Variants in ECE1 observed in about 807,000 individuals in gnomAD.
ECE1 encodes the protein endothelin-converting enzyme 1.
ECE1 carries 35 observed loss-of-function variants against 98.6 expected under a neutral mutation model. The observed-to-expected ratio is 0.35, with a 90% CI of 0.27 to 0.47. ECE1 has a LOEUF of 0.47. ECE1 is among the 20% of genes least tolerant of loss of function. The pLI, the probability that ECE1 is intolerant of heterozygous loss-of-function variation, is 1.00. For missense variants in ECE1, 814 were observed against 1,025.3 expected, an observed-to-expected ratio of 0.79 and a Z score of 2.81; for synonymous variants, 394 against 407.1, an observed-to-expected ratio of 0.97 and a Z score of 0.39.
At chr1:21,286,634 A>G (rs1270728978) in intron 2 of ECE1, among the ~76,000 whole-genome samples, 1 of 152,166 alleles carries the variant, frequency 6.6e-6, no homozygotes, top group Non-Finnish European at 1.5e-5. Flanking sequence ...AAAATATGGG[A>G]TAAAGAAAAA....
intron 8 of ECE1, among the ~76,000 whole-genome samples, chr1:21,252,438 G>A (rs995254703): frequency 6.6e-6 from 1 of 152,190 alleles, no homozygotes; most frequent in African/African-American, 2.4e-5. Context: ...GAGTACTGTG[G>A]GTCACAAACC....
chr1:21,260,396 G>GAAC lies in ECE1; in HGVS notation c.494-7_494-5dup. ...CTCACGCTGGCCGTGGAGTTTTCTG[G>GAAC]AACAACAGACAGTGGAGTTTGCAAT... On this transcript the variant is annotated splice_region_variant and splice_polypyrimidine_tract_variant and intron_variant, in intron 4 of 18. Coordinates refer to ENST00000374893, the MANE Select transcript of ECE1 (RefSeq NM_001397.3). This position sits in a 1 kb window ranked among gnomAD's most constrained non-coding sequence, Gnocchi z 4.3. 6.2e-7 allele frequency: 1 copy of GAAC among 1,614,194 alleles called. No individual in the cohort carries two copies. The highest frequency in any genetic ancestry group is 8.5e-7 in the Non-Finnish European group (1 of 1,180,046).
At chr1:21,273,448 G>C (rs1294429210) in intron 3 of ECE1, among the ~76,000 whole-genome samples, 1 of 151,986 alleles carries the variant, frequency 6.6e-6, no homozygotes, top group South Asian at 2.1e-4. Flanking sequence ...AATTCAGTTG[G>C]GGATATACAC....
intron 3 of ECE1, among the ~76,000 whole-genome samples, chr1:21,275,182 C>G (rs1387766704): frequency 6.6e-6 from 1 of 152,204 alleles, no homozygotes; most frequent in Non-Finnish European, 1.5e-5. Context: ...GCATCAGAAT[C>G]TGTGTGTATG....
intron 4 of ECE1, among the ~76,000 whole-genome samples, chr1:21,262,633 A>G (rs543830865): frequency 6.6e-6 from 1 of 152,330 alleles, no homozygotes; most frequent in South Asian, 2.1e-4. Context: ...TAAGAGGCCT[A>G]AAGAACAGCT....
At chr1:21,302,497 T>C (rs1638507265) in intron 1 of ECE1, among the ~76,000 whole-genome samples, 1 of 152,204 alleles carries the variant, frequency 6.6e-6, no homozygotes, top group Non-Finnish European at 1.5e-5. Context: ...AAATACTTAT[T>C]TGGCACTTAC....
Position 21,260,530 on chromosome 1 carries a change from G to A in ECE1, c.494-138C>T. On this transcript the variant is annotated intron_variant, in intron 4 of 18. Transcript: ENST00000374893. This position sits in a 1 kb window ranked among gnomAD's most constrained non-coding sequence, Gnocchi z 4.3. ...CATCTGCCTGTCGGAGTGGCAGTGAGGAATGCCGTCACCGTGAGTATGTGA... is the reference window on the plus strand; with the variant it reads ...CATCTGCCTGTCGGAGTGGCAGTGAAGAATGCCGTCACCGTGAGTATGTGA... The A allele has an allele frequency of 3.5e-6, 4 of 1,156,862 alleles. No individual in the cohort carries two copies. The highest frequency in any genetic ancestry group is 3.8e-6 in the Non-Finnish European group (3 of 780,272). 71.7% of individuals were successfully genotyped at this position (1,156,862 alleles called of 1,614,324 possible). A position where few individuals can be genotyped will look rare whatever the true frequency, so the allele number is the denominator to read the frequency against.
chr1:21,235,993 G>A lies in ECE1; in HGVS notation c.1489-66C>T. 4.7e-6 allele frequency: 7 copies of A among 1,482,140 alleles called. No individual in the cohort carries two copies. Among genetic ancestry groups the A allele is most frequent in the Middle Eastern group, 1.7e-4 (1 of 5,798 alleles). 91.8% of individuals were successfully genotyped at this position (1,482,140 alleles called of 1,614,324 possible). ...CGACCAGGCCAGCCTGAGCAACTTG[G>A]GTGCTGGGCTCATAGTCTGGGCCAA... is the stretch of plus-strand genomic sequence containing the variant. On this transcript the variant is annotated intron_variant, in intron 12 of 18. Transcript: ENST00000374893. The surrounding 1 kb of genome is among the most constrained non-coding windows in gnomAD (Gnocchi z 4.2).
At chr1:21,310,660 C>T (rs938080329) in intron 1 of ECE1, among the ~76,000 whole-genome samples, 2 of 152,060 alleles carry the variant, frequency 1.3e-5, no homozygotes, top group African/African-American at 2.4e-5. Context: ...AGACCCCACC[C>T]GAGCTTCCAG....
chr1:21,316,534 A>G (rs1169369116), intron 1 of ECE1, among the ~76,000 whole-genome samples: 2 of 152,054 alleles, frequency 1.3e-5, no homozygotes, highest in African/African-American at 2.4e-5. Flanking sequence ...TCGGCCTCCT[A>G]AAGTGCTGGG....
At chr1:21,315,053 G>A (rs1569739031) in intron 1 of ECE1, among the ~76,000 whole-genome samples, 2 of 152,276 alleles carry the variant, frequency 1.3e-5, no homozygotes, top group African/African-American at 4.8e-5. Context: ...CCCTTGTACT[G>A]TAATTAATAA....
At chr1:21,312,390 G>T (rs990973697) in intron 1 of ECE1, among the ~76,000 whole-genome samples, 1 of 151,682 alleles carries the variant, frequency 6.6e-6, no homozygotes, top group African/African-American at 2.4e-5. Flanking sequence ...AGTGAGCTGT[G>T]ATTGCATCCC....
chr1:21,305,431 T>C (rs1395315659), intron 1 of ECE1, among the ~76,000 whole-genome samples: 4 of 152,196 alleles, frequency 2.6e-5, no homozygotes, highest in Non-Finnish European at 5.9e-5. Flanking sequence ...CCGACAACTG[T>C]AAATGTTCCA....
At chr1:21,249,611 G>A (rs9426749) in intron 8 of ECE1, among the ~76,000 whole-genome samples, 4,712 of 152,160 alleles carry the variant, frequency 0.031, 251 homozygotes, top group African/African-American at 0.11. Context: ...GAGCCTGGGA[G>A]GTCGAGGCTG....
chr1:21,275,675 A>G (rs2098245690), intron 3 of ECE1, among the ~76,000 whole-genome samples: 1 of 152,220 alleles, frequency 6.6e-6, no homozygotes, highest in Non-Finnish European at 1.5e-5. Flanking sequence ...CTAGGGACCT[A>G]CGAGGTGCTT....
At chr1:21,297,949 T>C (rs987460299) in intron 1 of ECE1, 1 of 151,994 alleles carries the variant, frequency 6.6e-6, no homozygotes, top group African/African-American at 2.4e-5. Context: ...AGTGATGCTC[T>C]TGCCTCAGCT....
chr1:21,334,872 G>C (rs1248669956), intron 1 of ECE1, among the ~76,000 whole-genome samples: 1 of 152,036 alleles, frequency 6.6e-6, no homozygotes, highest in Non-Finnish European at 1.5e-5. Flanking sequence ...CCTGAGGCCC[G>C]CGCTCCTGCC....
intron 1 of ECE1, among the ~76,000 whole-genome samples, chr1:21,306,333 G>GTT (rs763952464): frequency 1.6e-4 from 22 of 140,730 alleles, no homozygotes; most frequent in African/African-American, 4.2e-4. Context: ...GTGTTTTTTT[G>GTT]TTTTTTTTTT....
intron 5 of ECE1, among the ~76,000 whole-genome samples, chr1:21,259,209 GC>G (rs1477283136): frequency 6.6e-6 from 1 of 152,136 alleles, no homozygotes; most frequent in African/African-American, 2.4e-5. Context: ...GATAAAAAAG[GC>G]TCCACATGTT....
Sources: gnomAD v4.1 joint callset for allele counts (sites outside exome capture counted in the v4.1 genomes callset) on GRCh38, gnomAD v4.1.1 for gene constraint, Gnocchi (gnomAD v3.1) non-coding constraint, MANE v1.5 for transcripts, NCBI Gene and HGNC (gene_info 2026-07-23, HGNC 2026-07-21) for gene names.